The following DAPK2 variants were observed in gnomAD, a reference collection of about 807,000 sequenced individuals.
DAPK2 encodes the protein death-associated protein kinase 2.
Under a neutral mutation model 44.1 loss-of-function variants are expected in DAPK2, and 35 were observed. That is an observed-to-expected ratio of 0.79 (90% CI 0.61 to 1.05). The LOEUF (loss-of-function observed/expected upper bound fraction) is 1.05. DAPK2 is among the 50% of genes least tolerant of loss of function. DAPK2 has a pLI of 0.00. For missense variants in DAPK2, 453 were observed against 483.2 expected (o/e 0.94, Z 0.59); for synonymous variants, 174 against 182.6 (o/e 0.95, Z 0.38).
intron 2 of DAPK2, among the ~76,000 whole-genome samples, chr15:63,982,341 C>A (rs2078541842): frequency 6.6e-6 from 1 of 152,028 alleles, no homozygotes; most frequent in African/African-American, 2.4e-5. Flanking sequence ...CAGACACCTG[C>A]CACCACACCC....
intron 1 of DAPK2, among the ~76,000 whole-genome samples, chr15:63,987,877 C>G (rs1488353840): frequency 6.6e-6 from 1 of 152,136 alleles, no homozygotes; most frequent in Non-Finnish European, 1.5e-5. Flanking sequence ...CCTTCTTTGT[C>G]ACATGGGGAT....
intron 6 of DAPK2, among the ~76,000 whole-genome samples, chr15:63,928,766 A>T (rs1006635904): frequency 1.3e-5 from 2 of 152,290 alleles, no homozygotes; most frequent in Non-Finnish European, 2.9e-5. Context: ...TAAGCAACTG[A>T]GTACTTCAGG....
In DAPK2 at chr15:64,016,656, G is replaced by A. The variant is rs534729243; in HGVS notation, c.92+23514C>T. Among the ~76,000 whole-genome samples, 16 of 152,268 alleles carry A rather than the reference G, an allele frequency of 1.1e-4. No individual in the cohort carries two copies. In the East Asian group the frequency reaches 2.9e-3, roughly 28 times the overall value. The stretch of plus-strand genomic sequence containing the variant: ...AAATATTTATAAATTAGCCGGGCAT[G>A]TTTGCTCATGCTTGTAGTCCTAGCC... On this transcript the variant is annotated intron_variant, in intron 1 of 10. Coordinates refer to ENST00000261891, the Ensembl canonical transcript of DAPK2.
At chr15:64,041,917 CT>C (rs755368499), upstream of DAPK2, among the ~76,000 whole-genome samples, 1 of 152,240 alleles carries the variant, frequency 6.6e-6, no homozygotes, top group Non-Finnish European at 1.5e-5. Context: ...CCAGGGCTTA[CT>C]CTCGTGGTCA....
intron 1 of DAPK2, among the ~76,000 whole-genome samples, chr15:64,006,693 C>T (rs1017972574): frequency 1.1e-4 from 16 of 152,356 alleles, no homozygotes; most frequent in African/African-American, 3.8e-4. Flanking sequence ...AACTTGCCCA[C>T]ATCACCTATT....
At chr15:63,955,435 C>A (rs1281884198) in intron 3 of DAPK2, among the ~76,000 whole-genome samples, 2 of 152,078 alleles carry the variant, frequency 1.3e-5, no homozygotes, top group African/African-American at 4.8e-5. Context: ...AGGATATGGT[C>A]CATAGTTTTC....
intron 3 of DAPK2, among the ~76,000 whole-genome samples, chr15:63,947,093 T>G (rs1177203140): frequency 3.3e-5 from 5 of 152,138 alleles, no homozygotes; most frequent in African/African-American, 1.2e-4. Flanking sequence ...GCTTTCCCTC[T>G]GCTACCTCTC....
chr15:64,013,107 AC>A lies in DAPK2; in HGVS notation c.92+27062del, dbSNP rs986241840. On this transcript the variant is annotated intron_variant, in intron 1 of 10. Transcript: ENST00000261891. The surrounding 1 kb of genome is among the most constrained non-coding windows in gnomAD (Gnocchi z 4.7). Reference sequence around the variant, plus strand: ...AGGCCTGAGACCCCTGCCACCCCAGACCCCCAGACAACCCATAAGGTGGCAA... The same window carrying A: ...AGGCCTGAGACCCCTGCCACCCCAGACCCCAGACAACCCATAAGGTGGCAA... 6.6e-6 allele frequency among the ~76,000 whole-genome samples: 1 copy of A among 152,066 alleles called. No individual in the cohort carries two copies. The highest frequency in any genetic ancestry group is 1.5e-5 in the Non-Finnish European group (1 of 68,018).
At chr15:63,985,202 G>A (rs201027341) in intron 1 of DAPK2, among the ~76,000 whole-genome samples, 1 of 61,758 alleles carries the variant, frequency 1.6e-5, no homozygotes, top group South Asian at 9.1e-4. Flanking sequence ...GGGCAGAGAA[G>A]GCTTTGTGGA....
intron 1 of DAPK2, among the ~76,000 whole-genome samples, chr15:64,025,640 A>C (rs1051967451): frequency 6.6e-6 from 1 of 152,246 alleles, no homozygotes; most frequent in African/African-American, 2.4e-5. Flanking sequence ...ACAAAGGACC[A>C]GATGGTAAAT....
At chr15:63,950,721 G>A (rs1430231124) in intron 3 of DAPK2, among the ~76,000 whole-genome samples, 2 of 152,158 alleles carry the variant, frequency 1.3e-5, no homozygotes, top group Non-Finnish European at 2.9e-5. Context: ...CACTGGCTAA[G>A]TTCAAGTCTC....
chr15:63,927,743 AT>A (rs56346248), intron 6 of DAPK2, among the ~76,000 whole-genome samples: 88,629 of 146,358 alleles, frequency 0.61, 26,938 homozygotes, highest in East Asian at 0.91. Context: ...CTGGGATTCC[AT>A]TTTTTTTTTT....
Position 64,020,262 on chromosome 15 carries a change from C to A in DAPK2, c.92+19908G>T, listed in dbSNP as rs1180844259. 6.6e-6 allele frequency among the ~76,000 whole-genome samples: 1 copy of A among 152,182 alleles called. No individual in the cohort carries two copies. Among genetic ancestry groups the A allele is most frequent in the Non-Finnish European group, 1.5e-5 (1 of 68,036 alleles). ...CCAGAGCCAAAGCCAGGACCCCTTT[C>A]TCTCCCACGCCAGCACACTCTTATT... On this transcript the variant is annotated intron_variant, in intron 1 of 10. Transcript: ENST00000261891. The surrounding 1 kb of genome is among the most constrained non-coding windows in gnomAD (Gnocchi z 4.5).
At chr15:63,996,705 G>A (rs1252075112) in intron 1 of DAPK2, among the ~76,000 whole-genome samples, 4 of 152,156 alleles carry the variant, frequency 2.6e-5, no homozygotes, top group African/African-American at 4.8e-5. Flanking sequence ...AGCAGAGCAC[G>A]ACTTCCAAAA....
intron 3 of DAPK2, among the ~76,000 whole-genome samples, chr15:63,957,677 G>A (rs1017085154): frequency 6.6e-6 from 1 of 151,970 alleles, no homozygotes; most frequent in African/African-American, 2.4e-5. Context: ...CCCTACAAAG[G>A]ACATGAACTC....
chr15:63,996,851 T>G (rs2078962528), intron 1 of DAPK2, among the ~76,000 whole-genome samples: 1 of 152,140 alleles, frequency 6.6e-6, no homozygotes, highest in Admixed American at 6.5e-5. Flanking sequence ...AAAGCATTTA[T>G]CACAGGAATG....
At chr15:64,044,567 C>G (rs1337235663), upstream of DAPK2, among the ~76,000 whole-genome samples, 8 of 152,154 alleles carry the variant, frequency 5.3e-5, no homozygotes, top group Non-Finnish European at 1.5e-5. Flanking sequence ...ATACAGGTGA[C>G]CCATCCCGCT....
chr15:63,929,445 T>C (rs1411608041), intron 6 of DAPK2, 106 bp downstream of exon 7: 2 of 1,423,216 alleles, frequency 1.4e-6, no homozygotes, highest in Non-Finnish European at 2.0e-6. Context: ...ATCTGGATTA[T>C]GGTGGGTGCT....
At chr15:63,971,248 A>C (rs551369953) in intron 3 of DAPK2, among the ~76,000 whole-genome samples, 175 bp downstream of exon 4, 2 of 152,306 alleles carry the variant, frequency 1.3e-5, no homozygotes, top group Non-Finnish European at 2.9e-5. Flanking sequence ...ATGAAAAATG[A>C]AACTGAGAAG....
Sources: gnomAD v4.1 joint callset for allele counts (sites outside exome capture counted in the v4.1 genomes callset) on GRCh38, gnomAD v4.1.1 for gene constraint, Gnocchi (gnomAD v3.1) non-coding constraint, MANE v1.5 for transcripts, NCBI Gene and HGNC (gene_info 2026-07-23, HGNC 2026-07-21) for gene names.